The following TBC1D32 variants were observed in gnomAD, a reference collection of about 807,000 sequenced individuals.
The protein encoded by TBC1D32 is protein broad-minded.
TBC1D32 carries 151 observed loss-of-function variants against 170.3 expected under a neutral mutation model. The ratio of observed to expected loss-of-function variants is 0.89; its 90% confidence interval spans 0.78 to 1.01. TBC1D32 has a LOEUF of 1.01. TBC1D32 is among the 50% of genes least tolerant of loss of function. TBC1D32 has a pLI of 0.00. For missense variants in TBC1D32, 1,464 were observed against 1,457.1 expected, an observed-to-expected ratio of 1.00 and a Z score of -0.08; for synonymous variants, 498 against 488.0, an observed-to-expected ratio of 1.02 and a Z score of -0.27.
chr6:121,288,055 G>C (rs1237780196), intron 12 of TBC1D32, among the ~76,000 whole-genome samples: 1 of 152,116 alleles, frequency 6.6e-6, no homozygotes, highest in Non-Finnish European at 1.5e-5. Context: ...AATCAGGAAA[G>C]ATCTAAAATT....
At chr6:121,192,077 T>TAC (rs1468909573) in intron 22 of TBC1D32, among the ~76,000 whole-genome samples, 10 of 140,024 alleles carry the variant, frequency 7.1e-5, no homozygotes, top group African/African-American at 2.7e-4. Context: ...TATATATATA[T>TAC]ATATATCCTA....
At chr6:121,303,271 C>T (rs1806753441) in intron 9 of TBC1D32, among the ~76,000 whole-genome samples, 1 of 152,098 alleles carries the variant, frequency 6.6e-6, no homozygotes, top group Non-Finnish European at 1.5e-5. Context: ...TATGTTCTAC[C>T]ACATTTGCTT....
At chr6:121,296,521 A>T (rs1474962603) in intron 10 of TBC1D32, among the ~76,000 whole-genome samples, 1 of 152,142 alleles carries the variant, frequency 6.6e-6, no homozygotes, top group Non-Finnish European at 1.5e-5. Flanking sequence ...ACTTATCTCA[A>T]TGAATGACAT....
At chr6:121,333,865 G>A (rs1403952430) in intron 1 of TBC1D32, among the ~76,000 whole-genome samples, 2 of 152,102 alleles carry the variant, frequency 1.3e-5, no homozygotes, top group Admixed American at 6.5e-5. Flanking sequence ...TAGGGAGTTC[G>A]AGACCAACCT....
chr6:121,168,775 C>T (rs554577434), intron 22 of TBC1D32, among the ~76,000 whole-genome samples: 3 of 142,112 alleles, frequency 2.1e-5, no homozygotes, highest in Non-Finnish European at 4.6e-5. Flanking sequence ...ACACCACCAA[C>T]AGGCAAGCCA....
At chr6:121,174,600 G>A (rs80173883) in intron 22 of TBC1D32, among the ~76,000 whole-genome samples, 198 of 152,222 alleles carry the variant, frequency 1.3e-3, no homozygotes, top group African/African-American at 4.6e-3. Flanking sequence ...AGAACAGTAG[G>A]ACAAAACTGG....
intron 20 of TBC1D32, among the ~76,000 whole-genome samples, chr6:121,226,844 G>T (rs773641825): frequency 6.6e-6 from 1 of 152,058 alleles, no homozygotes; most frequent in Non-Finnish European, 1.5e-5. Context: ...AAATGCTATA[G>T]TATCAATATT....
intron 21 of TBC1D32, among the ~76,000 whole-genome samples, chr6:121,219,094 A>G (rs1794194327): frequency 1.3e-5 from 2 of 152,138 alleles, no homozygotes; most frequent in Admixed American, 1.3e-4. Context: ...AGAACAATTT[A>G]AGTTAGGTAG....
At chr6:121,212,885 G>A (rs1425322761) in intron 21 of TBC1D32, among the ~76,000 whole-genome samples, 2 of 152,120 alleles carry the variant, frequency 1.3e-5, no homozygotes, top group Non-Finnish European at 2.9e-5. Context: ...TGGATGCAAG[G>A]TTGGTTCAAC....
chr6:121,287,494 T>C (rs1219951343), intron 12 of TBC1D32, among the ~76,000 whole-genome samples: 3 of 152,104 alleles, frequency 2.0e-5, no homozygotes, highest in African/African-American at 7.2e-5. Flanking sequence ...AGCACCCAGA[T>C]TCATAAAGAA....
intron 21 of TBC1D32, among the ~76,000 whole-genome samples, chr6:121,215,236 T>C (rs1303726537): frequency 1.3e-5 from 2 of 152,162 alleles, no homozygotes; most frequent in Admixed American, 6.5e-5. Context: ...GTCTGCAGAA[T>C]TGGCAGCTCG....
At chr6:121,172,989 G>A (rs1455960278) in intron 22 of TBC1D32, among the ~76,000 whole-genome samples, 1 of 152,106 alleles carries the variant, frequency 6.6e-6, no homozygotes, top group Non-Finnish European at 1.5e-5. Context: ...ACTTGTGATG[G>A]TTAATATTGA....
At chr6:121,266,921 G>C (rs532389366) in intron 15 of TBC1D32, among the ~76,000 whole-genome samples, 1 of 152,050 alleles carries the variant, frequency 6.6e-6, no homozygotes, top group East Asian at 1.9e-4. Context: ...GTGGGGAAGG[G>C]GCAAGGGGAG....
intron 31 of TBC1D32, among the ~76,000 whole-genome samples, chr6:121,081,949 C>G (rs1192497914): frequency 1.3e-5 from 2 of 151,990 alleles, no homozygotes; most frequent in Non-Finnish European, 2.9e-5. Flanking sequence ...GACTGATCTA[C>G]AAGGCTGATA....
intron 21 of TBC1D32, among the ~76,000 whole-genome samples, chr6:121,208,371 A>G (rs993930135): frequency 6.6e-6 from 1 of 152,110 alleles, no homozygotes; most frequent in African/African-American, 2.4e-5. Context: ...CCTTCTTCAC[A>G]TGGCAGCAGG....
At chr6:121,234,142 A>AT (rs1006030806) in intron 20 of TBC1D32, among the ~76,000 whole-genome samples, 60 of 152,064 alleles carry the variant, frequency 3.9e-4, no homozygotes, top group African/African-American at 1.3e-3. Context: ...AGCTCTTAAG[A>AT]TTTTTTTCCT....
At chr6:121,210,048 G>A (rs1257574940) in intron 21 of TBC1D32, among the ~76,000 whole-genome samples, 4 of 152,106 alleles carry the variant, frequency 2.6e-5, no homozygotes, top group African/African-American at 9.7e-5. Context: ...AAAGGAAAAG[G>A]GTATTTTGTA....
intron 22 of TBC1D32, among the ~76,000 whole-genome samples, chr6:121,204,767 T>C (rs562256492): frequency 1.4e-5 from 2 of 147,186 alleles, no homozygotes; most frequent in East Asian, 3.9e-4. Flanking sequence ...TCTAACCAAA[T>C]ACCAACCCAG....
intron 24 of TBC1D32, among the ~76,000 whole-genome samples, chr6:121,138,977 T>C (rs893732156): frequency 6.6e-6 from 1 of 152,068 alleles, no homozygotes; most frequent in Non-Finnish European, 1.5e-5. Flanking sequence ...CTGGAGTAGC[T>C]GGGACTACAG....
Sources: allele counts gnomAD v4.1 joint callset (sites outside exome capture counted in the v4.1 genomes callset), GRCh38; gene constraint gnomAD v4.1.1; transcripts MANE v1.5; gene names NCBI Gene and HGNC (gene_info 2026-07-23, HGNC 2026-07-21).